Variants in FGF2 observed in about 807,000 individuals in gnomAD.
FGF2 encodes basic fibroblast growth factor bFGF.
FGF2 carries 13 observed loss-of-function variants against 15.9 expected under a neutral mutation model. That is an observed-to-expected ratio of 0.82 (90% CI 0.53 to 1.30). The LOEUF (loss-of-function observed/expected upper bound fraction) is 1.30, where lower values mean the gene tolerates loss of function less well. Ranked by LOEUF, FGF2 falls within the 50% of genes most tolerant of loss-of-function variation. The pLI is 0.00. For missense variants in FGF2, 163 were observed against 196.9 expected, an observed-to-expected ratio of 0.83 and a Z score of 1.03; for synonymous variants, 90 against 78.4, an observed-to-expected ratio of 1.15 and a Z score of -0.78.
At chr4:122,830,817 A>C (rs1725748468) in intron 1 of FGF2, among the ~76,000 whole-genome samples, 1 of 23,068 alleles carries the variant, frequency 4.3e-5, no homozygotes, top group Non-Finnish European at 7.7e-5. Context: ...TCTTATTTAC[A>C]AAAAAAAAAA....
intron 1 of FGF2, among the ~76,000 whole-genome samples, chr4:122,871,193 A>G (rs1480761106): frequency 1.4e-5 from 2 of 145,246 alleles, no homozygotes; most frequent in African/African-American, 2.6e-5. Context: ...AGAGACTGTT[A>G]TGATTTCAGT....
At chr4:122,890,452 T>C (rs62322259) in intron 2 of FGF2, among the ~76,000 whole-genome samples, 24,306 of 152,190 alleles carry the variant, frequency 0.16, 2,455 homozygotes, top group East Asian at 0.45. Flanking sequence ...TTTTTAAAAA[T>C]CCATTTAACA....
chr4:122,868,219 G>A (rs1457012654), intron 1 of FGF2, among the ~76,000 whole-genome samples: 1 of 152,138 alleles, frequency 6.6e-6, no homozygotes, highest in Non-Finnish European at 1.5e-5. Flanking sequence ...GTATACGTGT[G>A]CCATGCTGGT....
At chr4:122,880,901 C>T (rs1726948336) in intron 2 of FGF2, among the ~76,000 whole-genome samples, 1 of 152,202 alleles carries the variant, frequency 6.6e-6, no homozygotes, top group African/African-American at 2.4e-5. Flanking sequence ...AGGGCCCCAA[C>T]CCTGCGCAAA....
chr4:122,828,213 A>G (rs910742576), intron 1 of FGF2, among the ~76,000 whole-genome samples: 1 of 152,218 alleles, frequency 6.6e-6, no homozygotes, highest in African/African-American at 2.4e-5. Context: ...GGGATTCCCT[A>G]AGTCTGGAGT....
chr4:122,882,969 C>A (rs1428014064), intron 2 of FGF2: 1 of 152,214 alleles, frequency 6.6e-6, no homozygotes, highest in African/African-American at 2.4e-5. Context: ...GAGTCAGATC[C>A]ATAGACATTA....
chr4:122,841,909 T>G (rs1330890962), intron 1 of FGF2, among the ~76,000 whole-genome samples: 2 of 152,204 alleles, frequency 1.3e-5, no homozygotes, highest in African/African-American at 4.8e-5. Context: ...AAATTAACAG[T>G]TTGGATATTT....
At chr4:122,867,155 G>A (rs979448690) in intron 1 of FGF2, among the ~76,000 whole-genome samples, 2 of 152,216 alleles carry the variant, frequency 1.3e-5, no homozygotes, top group Admixed American at 1.3e-4. Flanking sequence ...TATTAGGGAC[G>A]TGTAAAATGA....
At chr4:122,874,479 T>C (rs1201302678) in intron 1 of FGF2, among the ~76,000 whole-genome samples, 1 of 152,214 alleles carries the variant, frequency 6.6e-6, no homozygotes, top group Non-Finnish European at 1.5e-5. Context: ...AGACATGAAA[T>C]GTTCAACAAA....
intron 2 of FGF2, among the ~76,000 whole-genome samples, chr4:122,878,070 A>T (rs1222467741): frequency 6.6e-6 from 1 of 152,226 alleles, no homozygotes; most frequent in Non-Finnish European, 1.5e-5. Flanking sequence ...CATTGAGCTT[A>T]TAAAATTGAA....
intron 1 of FGF2, among the ~76,000 whole-genome samples, chr4:122,837,253 G>C (rs1053021234): frequency 6.6e-6 from 1 of 152,114 alleles, no homozygotes; most frequent in Non-Finnish European, 1.5e-5. Flanking sequence ...TGCAAGGGTG[G>C]GTGGGAGAAA....
chr4:122,840,208 A>G (rs1413073428), intron 1 of FGF2: 1 of 152,164 alleles, frequency 6.6e-6, no homozygotes, highest in African/African-American at 2.4e-5. Flanking sequence ...GTATCCCATA[A>G]TAAAGGATGT....
intron 1 of FGF2, among the ~76,000 whole-genome samples, chr4:122,873,646 T>TGAA (rs1254339224): frequency 6.6e-6 from 1 of 152,212 alleles, no homozygotes; most frequent in Admixed American, 6.5e-5. Context: ...ATTTAGGAGA[T>TGAA]GAAGCAGCTA....
At chr4:122,847,020 C>T (rs1726126750) in intron 1 of FGF2, among the ~76,000 whole-genome samples, 1 of 152,232 alleles carries the variant, frequency 6.6e-6, no homozygotes, top group Non-Finnish European at 1.5e-5. Flanking sequence ...CTCACTCATT[C>T]ATCTGCCCCT....
At chr4:122,846,618 A>G (rs761537852) in intron 1 of FGF2, among the ~76,000 whole-genome samples, 2 of 152,254 alleles carry the variant, frequency 1.3e-5, no homozygotes, top group African/African-American at 2.4e-5. Context: ...AAAAGGATGT[A>G]TACCTAACTG....
chr4:122,874,814 G>A (rs993375088), intron 1 of FGF2, among the ~76,000 whole-genome samples: 2 of 151,734 alleles, frequency 1.3e-5, no homozygotes, highest in Non-Finnish European at 2.9e-5. Flanking sequence ...TTTTCATGCC[G>A]TTTCCCTAGC....
intron 2 of FGF2, among the ~76,000 whole-genome samples, chr4:122,885,685 T>C (rs912508892): frequency 6.6e-6 from 1 of 152,146 alleles, no homozygotes; most frequent in Non-Finnish European, 1.5e-5. Flanking sequence ...GAACCCATAC[T>C]GATATGTTAT....
intron 1 of FGF2, among the ~76,000 whole-genome samples, chr4:122,851,411 G>A (rs993749957): frequency 1.4e-4 from 21 of 152,238 alleles, no homozygotes; most frequent in African/African-American, 4.8e-4. Flanking sequence ...AGTAGGTATG[G>A]CCAATAGAAA....
chr4:122,859,216 G>A (rs1377572835), intron 1 of FGF2, among the ~76,000 whole-genome samples: 1 of 151,804 alleles, frequency 6.6e-6, no homozygotes, highest in Non-Finnish European at 1.5e-5. Context: ...TAAGCCCCAT[G>A]AGGGTGGAGA....
Sources: allele counts gnomAD v4.1 joint callset (sites outside exome capture counted in the v4.1 genomes callset), GRCh38; gene constraint gnomAD v4.1.1; transcripts MANE v1.5; gene names NCBI Gene and HGNC (gene_info 2026-07-23, HGNC 2026-07-21).